The following HLCS variants were observed in gnomAD, a reference collection of about 807,000 sequenced individuals.
HLCS encodes biotin--protein ligase.
HLCS carries 53 observed loss-of-function variants against 75.0 expected under a neutral mutation model. That is an observed-to-expected ratio of 0.71 (90% CI 0.57 to 0.89). The LOEUF is 0.89. Among genes scored for constraint, HLCS ranks in the 40% least tolerant of loss-of-function variants. The pLI, the probability that HLCS is intolerant of heterozygous loss-of-function variation, is 0.00. For missense variants in HLCS, 966 were observed against 1,074.0 expected (o/e 0.90, Z 1.41); for synonymous variants, 431 against 428.6 (o/e 1.01, Z -0.07).
At chr21:36,988,644 A>C (rs1424322012) in intron 1 of HLCS, among the ~76,000 whole-genome samples, 1 of 152,188 alleles carries the variant, frequency 6.6e-6, no homozygotes, top group African/African-American at 2.4e-5. Context: ...GTTCCTCTCT[A>C]GGAGTTGGAC....
intron 1 of HLCS, chr21:36,980,313 G>A (rs1040454907): frequency 1.2e-4 from 18 of 152,120 alleles, no homozygotes; most frequent in African/African-American, 4.3e-4. Context: ...GCCAAGAACA[G>A]ATGATACAGC....
chr21:36,812,728 C>T (rs1294474288), intron 6 of HLCS, among the ~76,000 whole-genome samples: 1 of 152,076 alleles, frequency 6.6e-6, no homozygotes, highest in Non-Finnish European at 1.5e-5. Flanking sequence ...GAAAAAAATA[C>T]TAAATTTTTC....
At chr21:36,902,212 G>C (rs1250529711) in intron 5 of HLCS, among the ~76,000 whole-genome samples, 1 of 152,210 alleles carries the variant, frequency 6.6e-6, no homozygotes, top group East Asian at 1.9e-4. Flanking sequence ...TTAAAGGGTA[G>C]AGAGGAATGG....
chr21:36,880,519 T>G (rs2064163724), intron 6 of HLCS, among the ~76,000 whole-genome samples: 1 of 152,176 alleles, frequency 6.6e-6, no homozygotes, highest in Non-Finnish European at 1.5e-5. Context: ...CATATTACAT[T>G]TCATCTTGTT....
At chr21:36,870,846 G>C (rs1013374674) in intron 6 of HLCS, among the ~76,000 whole-genome samples, 30 of 152,308 alleles carry the variant, frequency 2.0e-4, no homozygotes, top group African/African-American at 7.0e-4. Flanking sequence ...CTGGGCAGAA[G>C]GGTTTGGAAA....
intron 6 of HLCS, among the ~76,000 whole-genome samples, chr21:36,768,864 A>G (rs1470846093): frequency 6.6e-6 from 1 of 152,206 alleles, no homozygotes; most frequent in Non-Finnish European, 1.5e-5. Flanking sequence ...TTGTCTGTGC[A>G]GGGAGTTAAC....
intron 5 of HLCS, among the ~76,000 whole-genome samples, chr21:36,899,431 C>T (rs2065144918): frequency 6.6e-6 from 1 of 152,012 alleles, no homozygotes; most frequent in Non-Finnish European, 1.5e-5. Context: ...CAAGACTAAC[C>T]TGGGCAACAT....
intron 6 of HLCS, chr21:36,804,348 A>G (rs570534559): frequency 6.6e-6 from 1 of 152,414 alleles, no homozygotes; most frequent in East Asian, 1.9e-4. Context: ...GATCACCAGA[A>G]GGAATTTCGA....
chr21:36,903,713 T>C (rs1442756221), intron 5 of HLCS, among the ~76,000 whole-genome samples: 1 of 152,150 alleles, frequency 6.6e-6, no homozygotes. Context: ...TTAAGAAACA[T>C]GTATGGAGTA....
chr21:36,841,539 A>T (rs1357565846), intron 6 of HLCS, among the ~76,000 whole-genome samples: 2 of 152,378 alleles, frequency 1.3e-5, no homozygotes, highest in Non-Finnish European at 2.9e-5. Flanking sequence ...CTGTGTGTGA[A>T]GATGGCAAGG....
intron 2 of HLCS, chr21:36,943,837 G>C (rs1404092979): frequency 6.6e-6 from 1 of 150,510 alleles, no homozygotes; most frequent in Non-Finnish European, 1.5e-5. Flanking sequence ...AAAAAAATCT[G>C]AGGGTAGACT....
Position 36,834,689 on chromosome 21 carries a change from G to A in HLCS, c.1892+62171C>T, listed in dbSNP as rs1215870864. On this transcript the variant is annotated intron_variant, in intron 6 of 10. Coordinates refer to ENST00000674895, the MANE Select transcript of HLCS (RefSeq NM_001352514.2). ...TCCTGCCTCAGCCTCCTGTGTAGCT[G>A]GGACTACAGGCACATGCCAGCATGC... Among the ~76,000 whole-genome samples the A allele has an allele frequency of 3.3e-5, 5 of 152,314 alleles. No homozygotes were observed. The East Asian group carries it at 9.6e-4, about 29-fold the overall frequency.
At chr21:36,941,891 C>A (rs1357684698) in intron 2 of HLCS, among the ~76,000 whole-genome samples, 2 of 152,112 alleles carry the variant, frequency 1.3e-5, no homozygotes, top group African/African-American at 4.8e-5. Flanking sequence ...CCTGTAATCC[C>A]AGCTACTCAG....
chr21:36,856,640 T>C (rs371687886), intron 6 of HLCS, among the ~76,000 whole-genome samples: 1 of 151,534 alleles, frequency 6.6e-6, no homozygotes, highest in Non-Finnish European at 1.5e-5. Context: ...TATCATCAGG[T>C]AAGGTAACAC....
chr21:36,964,919 G>C (rs866698734), intron 1 of HLCS, among the ~76,000 whole-genome samples: 15 of 152,286 alleles, frequency 9.8e-5, no homozygotes, highest in African/African-American at 3.1e-4. Context: ...ATTTTATTGA[G>C]TTATCTTTCT....
intron 8 of HLCS, among the ~76,000 whole-genome samples, chr21:36,761,965 C>A (rs2000550): frequency 0.59 from 89,984 of 152,102 alleles, 27,191 homozygotes; most frequent in African/African-American, 0.71. Context: ...TTCAGATCTC[C>A]TCGGCTCATG....
rs765979436 is a variant in HLCS, at chr21:36,936,722, C to T, written c.1164G>A (p.Gly388=). 4.3e-6 allele frequency: 7 copies of T among 1,614,248 alleles called. No individual in the cohort carries two copies. The South Asian group carries it at 6.6e-5, about 15-fold the overall frequency. Residue 388 remains glycine (G), a synonymous_variant, in exon 4 of 11, where the codon GGG becomes GGA. Transcript: ENST00000674895. ...QKFMAYLSQG[G]KVLGLSSSFT... is the part of the protein sequence containing the mutation. ...AGGATGAAGACAGGCCCAACACCTT[C>T]CCTCCCTGAGAAAGATAGGCCATGA...
At chr21:36,959,020 C>A (rs1266533115) in intron 2 of HLCS, among the ~76,000 whole-genome samples, 1 of 152,136 alleles carries the variant, frequency 6.6e-6, no homozygotes, top group African/African-American at 2.4e-5. Flanking sequence ...GAGCTGGGAG[C>A]AGGCAGGAGC....
At position 36,748,897 on chromosome 21, in the gene HLCS, A is replaced by G. The variant is rs555655648; in HGVS notation, c.*5349T>C. The stretch of plus-strand genomic sequence containing the variant: ...AATGACCCTGTCAAGCTTCATTATT[A>G]CGTGGCAAAATCCCTCTGGCCCACA... On this transcript the variant is annotated 3_prime_UTR_variant, in exon 11 of 11. Coordinates refer to ENST00000674895, the MANE Select transcript of HLCS (RefSeq NM_001352514.2). 2.6e-4 allele frequency: 39 copies of G among 152,784 alleles called. No homozygotes were observed. Among genetic ancestry groups the G allele is most frequent in the African/African-American group, 8.9e-4 (37 of 41,590 alleles). The allele number at this position is 152,784 out of a possible 1,614,324, so 9.5% of individuals were successfully genotyped here. A position where few individuals can be genotyped will look rare whatever the true frequency, so the allele number is the denominator to read the frequency against.
Sources: allele counts gnomAD v4.1 joint callset (sites outside exome capture counted in the v4.1 genomes callset), GRCh38; gene constraint gnomAD v4.1.1; transcripts MANE v1.5; gene names NCBI Gene and HGNC (gene_info 2026-07-23, HGNC 2026-07-21).